Variants in SUGCT observed in about 807,000 individuals in gnomAD.
The protein encoded by SUGCT is succinyl-CoA:glutarate-CoA transferase.
A neutral mutation model predicts 55.0 loss-of-function variants in SUGCT; 41 were observed. The observed-to-expected ratio is 0.74, with a 90% CI of 0.58 to 0.97. The LOEUF is 0.97. SUGCT is among the 50% of genes least tolerant of loss of function. The pLI is 0.00. For synonymous variants in SUGCT, 187 were observed against 200.4 expected, an observed-to-expected ratio of 0.93 and a Z score of 0.56; for missense variants, 568 against 547.8, an observed-to-expected ratio of 1.04 and a Z score of -0.37.
chr7:40,536,563 G>A (rs2151606945), intron 12 of SUGCT, among the ~76,000 whole-genome samples: 1 of 152,332 alleles, frequency 6.6e-6, no homozygotes, highest in East Asian at 1.9e-4. Context: ...GCCACATAGG[G>A]CCAGGCAAGT....
At chr7:40,396,318 G>A (rs184599287) in intron 9 of SUGCT, among the ~76,000 whole-genome samples, 44 of 151,970 alleles carry the variant, frequency 2.9e-4, no homozygotes, top group Non-Finnish European at 3.8e-4. Context: ...CAATTTTTCC[G>A]AGAATTATTA....
chr7:40,468,710 T>C (rs1394765135), intron 11 of SUGCT, among the ~76,000 whole-genome samples: 1 of 152,072 alleles, frequency 6.6e-6, no homozygotes, highest in Non-Finnish European at 1.5e-5. Flanking sequence ...GGTTTTACCA[T>C]TAAAGATTTT....
the SUGCT span, among the ~76,000 whole-genome samples, chr7:40,975,442 C>T: frequency 2.0e-5 from 3 of 152,200 alleles, no homozygotes; most frequent in Non-Finnish European, 4.4e-5. Flanking sequence ...AGCCATCTCT[C>T]TGTTTGCAAA....
At chr7:40,687,777 C>T (rs1784530908) in intron 12 of SUGCT, among the ~76,000 whole-genome samples, 1 of 152,124 alleles carries the variant, frequency 6.6e-6, no homozygotes. Flanking sequence ...CCACCTACAC[C>T]CATACATACT....
At chr7:41,016,406 G>T in the SUGCT span, among the ~76,000 whole-genome samples, 1 of 151,962 alleles carries the variant, frequency 6.6e-6, no homozygotes, top group African/African-American at 2.4e-5. Context: ...CATCCAGGAG[G>T]GACTTGCCAA....
At chr7:40,813,769 G>A (rs550696375) in intron 13 of SUGCT, among the ~76,000 whole-genome samples, 1 of 152,282 alleles carries the variant, frequency 6.6e-6, no homozygotes, top group African/African-American at 2.4e-5. Flanking sequence ...GAAATTGTTA[G>A]TTGGTTGCTT....
At chr7:40,986,849 T>A in the SUGCT span, among the ~76,000 whole-genome samples, 1 of 152,160 alleles carries the variant, frequency 6.6e-6, no homozygotes, top group Non-Finnish European at 1.5e-5. Flanking sequence ...TTCACCTTCA[T>A]CTCTGCTAAG....
At chr7:40,433,561 T>G (rs1788019301) in intron 9 of SUGCT, among the ~76,000 whole-genome samples, 1 of 152,192 alleles carries the variant, frequency 6.6e-6, no homozygotes, top group African/African-American at 2.4e-5. Flanking sequence ...CACCTTCCTG[T>G]TTCCTTTTGA....
chr7:40,613,394 G>A (rs1180477744), intron 12 of SUGCT, among the ~76,000 whole-genome samples: 1 of 152,176 alleles, frequency 6.6e-6, no homozygotes, highest in Non-Finnish European at 1.5e-5. Flanking sequence ...CTCTGATTAT[G>A]TGTGGAGTTA....
At chr7:40,283,418 G>T (rs113223574) in intron 8 of SUGCT, among the ~76,000 whole-genome samples, 1 of 151,962 alleles carries the variant, frequency 6.6e-6, no homozygotes, top group African/African-American at 2.4e-5. Flanking sequence ...TGGTAGCGAC[G>T]GGGTTCCACC....
chr7:40,475,230 T>C (rs1410556772), intron 11 of SUGCT, among the ~76,000 whole-genome samples: 1 of 152,214 alleles, frequency 6.6e-6, no homozygotes, highest in East Asian at 1.9e-4. Flanking sequence ...AGCTTCTTGT[T>C]TTTCACGAAT....
chr7:40,811,155 T>C (rs2128757668), intron 13 of SUGCT, among the ~76,000 whole-genome samples: 1 of 152,294 alleles, frequency 6.6e-6, no homozygotes, highest in Middle Eastern at 3.4e-3. Context: ...GCTGTTTTTG[T>C]TAGTTACTGT....
chr7:40,585,987 A>G (rs1013654699), intron 12 of SUGCT, among the ~76,000 whole-genome samples: 4 of 152,086 alleles, frequency 2.6e-5, no homozygotes, highest in African/African-American at 9.7e-5. Context: ...GCCAACTTCT[A>G]AATTTCAATG....
At chr7:40,711,667 C>T (rs915917391) in intron 12 of SUGCT, among the ~76,000 whole-genome samples, 23 of 152,222 alleles carry the variant, frequency 1.5e-4, no homozygotes, top group Admixed American at 6.5e-5. Context: ...GAAACTTCAG[C>T]GCTGCTGCCC....
intron 8 of SUGCT, among the ~76,000 whole-genome samples, chr7:40,277,274 C>T (rs113584789): frequency 1.3e-5 from 2 of 152,194 alleles, no homozygotes; most frequent in African/African-American, 4.8e-5. Context: ...CTTCTGACTC[C>T]TAGGTTGAGC....
rs373923871 is a variant in SUGCT at position 40,860,267 on chromosome 7, C to T, written c.1154-49C>T. 126 of 1,610,680 alleles carry T rather than the reference C, an allele frequency of 7.8e-5. 1 individual carries two copies. The highest frequency in any genetic ancestry group is 6.6e-4 in the Middle Eastern group (4 of 6,046). On this transcript the variant is annotated intron_variant, in intron 13 of 13. Coordinates refer to ENST00000335693, the MANE Select transcript of SUGCT (RefSeq NM_001193313.2). ...CCCAGGCTGCTTAGGTAATTAATTT[C>T]GTAGGGTTAGTCATTAACAGGCTTC...
chr7:40,871,009 T>C, the SUGCT span, among the ~76,000 whole-genome samples: 2 of 152,206 alleles, frequency 1.3e-5, no homozygotes, highest in Non-Finnish European at 2.9e-5. Context: ...GTTGTATTTT[T>C]CCTACAATAG....
chr7:40,135,637 A>G lies in SUGCT; in HGVS notation c.100+517A>G, dbSNP rs111832042. 1.1e-4 allele frequency among the ~76,000 whole-genome samples: 16 copies of G among 152,242 alleles called. 1 individual carries two copies. Among genetic ancestry groups the G allele is most frequent in the African/African-American group, 3.6e-4 (15 of 41,556 alleles). On this transcript the variant is annotated intron_variant, in intron 1 of 13. Coordinates refer to ENST00000335693, the MANE Select transcript of SUGCT (RefSeq NM_001193313.2). ...ATTTGGGAATGGTAATCCACTATGA[A>G]TCTTTTTTTTCCTTTTTTCTTTTTT...
intron 9 of SUGCT, among the ~76,000 whole-genome samples, chr7:40,429,389 A>G (rs934711763): frequency 7.2e-5 from 11 of 152,164 alleles, no homozygotes; most frequent in African/African-American, 2.7e-4. Flanking sequence ...TTTATTAATG[A>G]GTATTGACTC....
Sources: allele counts gnomAD v4.1 joint callset (sites outside exome capture counted in the v4.1 genomes callset), GRCh38; gene constraint gnomAD v4.1.1; transcripts MANE v1.5; gene names NCBI Gene and HGNC (gene_info 2026-07-23, HGNC 2026-07-21).